The following THADA variants were observed in gnomAD, a reference collection of about 807,000 sequenced individuals.
THADA encodes the protein tRNA (32-2'-O)-methyltransferase regulator THADA.
A neutral mutation model predicts 219.8 loss-of-function variants in THADA; 213 were observed. The ratio of observed to expected loss-of-function variants is 0.97; its 90% CI spans 0.87 to 1.09. THADA has a LOEUF of 1.09. THADA is among the 50% of genes least tolerant of loss of function. The pLI is 0.00. For missense variants in THADA, 2,956 were observed against 2,311.3 expected, an observed-to-expected ratio of 1.28 and a Z score of -5.72; for synonymous variants, 1,018 against 828.9, an observed-to-expected ratio of 1.23 and a Z score of -3.92.
chr2:43,423,238 CT>C (rs1157899790), intron 28 of THADA, among the ~76,000 whole-genome samples: 2 of 152,004 alleles, frequency 1.3e-5, no homozygotes, highest in African/African-American at 4.8e-5. Context: ...TCTAGCTTGC[CT>C]TCATTTTTTT....
chr2:43,409,095 T>A (rs1242173467), intron 28 of THADA, among the ~76,000 whole-genome samples: 1 of 152,210 alleles, frequency 6.6e-6, no homozygotes, highest in Non-Finnish European at 1.5e-5. Flanking sequence ...TTATTTTGCA[T>A]CTACAGAGGG....
chr2:43,450,297 A>T (rs1682148023), intron 26 of THADA, among the ~76,000 whole-genome samples: 1 of 152,216 alleles, frequency 6.6e-6, no homozygotes, highest in Non-Finnish European at 1.5e-5. Flanking sequence ...AAATAAAACA[A>T]CTACTAATGT....
chr2:43,557,001 C>T (rs116243179), intron 16 of THADA, among the ~76,000 whole-genome samples: 4 of 152,114 alleles, frequency 2.6e-5, no homozygotes, highest in African/African-American at 2.4e-5. Flanking sequence ...GAGGATCACT[C>T]GAGCTCAGGA....
At chr2:43,446,796 A>G (rs1413732589) in intron 26 of THADA, among the ~76,000 whole-genome samples, 1 of 152,254 alleles carries the variant, frequency 6.6e-6, no homozygotes, top group Non-Finnish European at 1.5e-5. Context: ...AACAAGGAGC[A>G]CACGATTTAC....
chr2:43,459,380 T>C (rs560267022), intron 26 of THADA, among the ~76,000 whole-genome samples: 2 of 152,298 alleles, frequency 1.3e-5, no homozygotes, highest in South Asian at 4.1e-4. Context: ...CTTTTATAAG[T>C]GTTTACATCC....
chr2:43,359,810 G>T (rs1355524957), intron 29 of THADA, among the ~76,000 whole-genome samples: 8 of 150,600 alleles, frequency 5.3e-5, no homozygotes, highest in Non-Finnish European at 1.2e-4. Context: ...CTTTTTAAGA[G>T]ATGGCATCTC....
At chr2:43,263,588 G>C (rs1236380407) in intron 36 of THADA, among the ~76,000 whole-genome samples, 1 of 152,144 alleles carries the variant, frequency 6.6e-6, no homozygotes, top group Non-Finnish European at 1.5e-5. Flanking sequence ...CACCAAGCCA[G>C]GTCCTCAAGT....
At chr2:43,257,228 C>T (rs924582112) in intron 36 of THADA, among the ~76,000 whole-genome samples, 3 of 152,206 alleles carry the variant, frequency 2.0e-5, no homozygotes, top group Non-Finnish European at 2.9e-5. Flanking sequence ...GAAAGTTGTC[C>T]AGACTACCTG....
chr2:43,503,173 T>C (rs1323225182), intron 24 of THADA, among the ~76,000 whole-genome samples: 1 of 152,206 alleles, frequency 6.6e-6, no homozygotes, highest in African/African-American at 2.4e-5. Context: ...TCAGATTGAA[T>C]ATGTGTGTAC....
intron 36 of THADA, among the ~76,000 whole-genome samples, chr2:43,262,766 A>G (rs894671303): frequency 1.3e-5 from 2 of 152,260 alleles, no homozygotes; most frequent in African/African-American, 4.8e-5. Flanking sequence ...TACTCCAAGT[A>G]TGATCCCCTG....
chr2:43,422,771 C>T (rs1677879165), intron 28 of THADA, among the ~76,000 whole-genome samples: 1 of 152,120 alleles, frequency 6.6e-6, no homozygotes, highest in African/African-American at 2.4e-5. Flanking sequence ...GGCTGCAGTG[C>T]AGTGGCCCAA....
chr2:43,364,059 C>G (rs1669830862), intron 29 of THADA, among the ~76,000 whole-genome samples: 1 of 149,856 alleles, frequency 6.7e-6, no homozygotes, highest in African/African-American at 2.5e-5. Context: ...CTGTTATCTA[C>G]CAAAATTACA....
At chr2:43,562,133 G>C (rs537235713) in intron 15 of THADA, 3 of 152,158 alleles carry the variant, frequency 2.0e-5, no homozygotes, top group South Asian at 4.2e-4. Context: ...ATATGCTGTT[G>C]GATTTGGTTT....
intron 26 of THADA, among the ~76,000 whole-genome samples, chr2:43,476,158 G>C (rs923160393): frequency 2.0e-5 from 3 of 152,250 alleles, no homozygotes; most frequent in African/African-American, 7.2e-5. Flanking sequence ...GCCATGCTAA[G>C]ATGTTAACTC....
chr2:43,352,653 G>A (rs1306962059), intron 29 of THADA, among the ~76,000 whole-genome samples: 1 of 151,926 alleles, frequency 6.6e-6, no homozygotes, highest in Non-Finnish European at 1.5e-5. Flanking sequence ...TTAAGGTATA[G>A]AACATGTTAT....
chr2:43,356,404 G>T (rs565418992), intron 29 of THADA, among the ~76,000 whole-genome samples: 245 of 152,178 alleles, frequency 1.6e-3, no homozygotes, highest in Non-Finnish European at 2.4e-3. Flanking sequence ...TAAACAAAAA[G>T]CCATGAATAG....
At chr2:43,314,387 A>C (rs1022204512) in intron 31 of THADA, among the ~76,000 whole-genome samples, 5 of 152,058 alleles carry the variant, frequency 3.3e-5, no homozygotes, top group Non-Finnish European at 5.9e-5. Flanking sequence ...AAGAGAGCTT[A>C]AAATGAAAGT....
At chr2:43,377,178 T>C (rs1486294532) in intron 29 of THADA, among the ~76,000 whole-genome samples, 1 of 152,166 alleles carries the variant, frequency 6.6e-6, no homozygotes, top group Admixed American at 6.5e-5. Context: ...GCAAATGCCT[T>C]TGGCAAAATT....
rs187370493 is a variant in THADA, at chr2:43,434,501, C to T, written c.3837-4199G>A. The stretch of plus-strand genomic sequence containing the variant: ...TATAAAATCCCCCAAGACCCTAGCA[C>T]GCAGGCACACAAGCGGCTGGATGAC... On this transcript the variant is annotated intron_variant, in intron 26 of 37. Transcript: ENST00000405975. 4.7e-4 allele frequency among the ~76,000 whole-genome samples: 72 copies of T among 152,272 alleles called. 1 individual carries two copies. The East Asian group carries it at 0.013, about 28-fold the overall frequency.
Sources: allele counts gnomAD v4.1 joint callset (sites outside exome capture counted in the v4.1 genomes callset), GRCh38; gene constraint gnomAD v4.1.1; transcripts MANE v1.5; gene names NCBI Gene and HGNC (gene_info 2026-07-23, HGNC 2026-07-21).